Variants in CHRM3 observed in about 807,000 individuals in gnomAD.
CHRM3 encodes cholinergic receptor muscarinic 3.
A neutral mutation model predicts 41.8 loss-of-function variants in CHRM3; 11 were observed. The ratio of observed to expected loss-of-function variants is 0.26; its 90% CI spans 0.17 to 0.44. The LOEUF is 0.44. Ranked by LOEUF, CHRM3 falls within the 20% of genes least tolerant of loss-of-function variation. The probability of loss-of-function intolerance (pLI) is 1.00; values close to 1 mark genes in which losing one functional copy is unlikely to be tolerated. For missense variants in CHRM3, 571 were observed against 745.4 expected (o/e 0.77, Z 2.72); for synonymous variants, 297 against 301.4 (o/e 0.99, Z 0.15).
Position 239,907,588 on chromosome 1 carries a change from C to A in CHRM3, c.137C>A (p.Ala46Asp). 1.2e-6 allele frequency: 2 copies of A among 1,614,186 alleles called. No individual in the cohort carries two copies. The highest frequency in any genetic ancestry group is 1.7e-6 in the Non-Finnish European group (2 of 1,180,038). Reference protein sequence around the residue: ...HFGSYNVSRAAGNFSSPDGTT... With the variant: ...HFGSYNVSRADGNFSSPDGTT... Reference sequence around the variant, plus strand: ...GGCAGCTACAATGTTTCTCGAGCAGCTGGCAATTTCTCCTCTCCAGACGGT... The same window carrying A: ...GGCAGCTACAATGTTTCTCGAGCAGATGGCAATTTCTCCTCTCCAGACGGT... The change falls in exon 7 of 7, where the codon GCT becomes GAT. Residue 46 changes from alanine to aspartate, a missense_variant. Ala to Asp is a moderately radical substitution (Grantham distance 126). Around this residue, in one of 5 missense-constraint regions of CHRM3, gnomAD observed 92 missense variants for 76.1 expected, o/e 1.21. Transcript: ENST00000676153. This position sits in a 1 kb window ranked among gnomAD's most constrained non-coding sequence, Gnocchi z 5.4.
At chr1:239,441,273 A>G (rs1663693069) in intron 1 of CHRM3, among the ~76,000 whole-genome samples, 1 of 152,206 alleles carries the variant, frequency 6.6e-6, no homozygotes, top group Non-Finnish European at 1.5e-5. Flanking sequence ...CAAAAGAAAA[A>G]GGCAAACAAT....
chr1:239,763,519 C>G (rs1666965959), intron 5 of CHRM3, among the ~76,000 whole-genome samples: 1 of 152,112 alleles, frequency 6.6e-6, no homozygotes, highest in Non-Finnish European at 1.5e-5. Context: ...ATAGAGCGCT[C>G]TACAATACTA....
chr1:239,579,291 G>T (rs575382738), intron 3 of CHRM3, among the ~76,000 whole-genome samples: 2 of 152,204 alleles, frequency 1.3e-5, no homozygotes, highest in African/African-American at 4.8e-5. Context: ...CTGGTTCTTA[G>T]GGATTCCCCA....
intron 4 of CHRM3, among the ~76,000 whole-genome samples, chr1:239,673,813 A>G: frequency 1.3e-5 from 2 of 152,086 alleles, no homozygotes; most frequent in East Asian, 1.9e-4. Context: ...CAATTTCTAT[A>G]CCTACATTTT....
intron 5 of CHRM3, among the ~76,000 whole-genome samples, chr1:239,760,150 C>T (rs1194942191): frequency 6.6e-6 from 1 of 151,444 alleles, no homozygotes; most frequent in East Asian, 1.9e-4. Flanking sequence ...TGGTCTCGAT[C>T]TCCTGACCTC....
At chr1:239,882,628 T>C (rs562829935) in intron 6 of CHRM3, among the ~76,000 whole-genome samples, 1 of 152,174 alleles carries the variant, frequency 6.6e-6, no homozygotes, top group Non-Finnish European at 1.5e-5. Context: ...AATGGCACAA[T>C]TGCTAACTGG....
intron 1 of CHRM3, among the ~76,000 whole-genome samples, chr1:239,399,826 T>G (rs940002761): frequency 6.6e-6 from 1 of 152,230 alleles, no homozygotes; most frequent in Non-Finnish European, 1.5e-5. Flanking sequence ...GATGTCACTT[T>G]GACATATTGA....
At chr1:239,710,000 A>C (rs1483673151) in intron 5 of CHRM3, among the ~76,000 whole-genome samples, 8 of 152,178 alleles carry the variant, frequency 5.3e-5, no homozygotes, top group African/African-American at 1.2e-4. Flanking sequence ...TCCTCCACCT[A>C]TGCCAAATGA....
At chr1:239,777,779 C>CTAT (rs1436790029) in intron 5 of CHRM3, among the ~76,000 whole-genome samples, 2 of 152,062 alleles carry the variant, frequency 1.3e-5, no homozygotes, top group Non-Finnish European at 2.9e-5. Flanking sequence ...GGTTTAAAAC[C>CTAT]TATTCTAGGT....
intron 6 of CHRM3, among the ~76,000 whole-genome samples, chr1:239,876,740 C>A (rs1227622345): frequency 6.6e-6 from 1 of 152,132 alleles, no homozygotes. Flanking sequence ...AAGTAGGAAG[C>A]CAATTGAGGT....
chr1:239,580,258 T>TCACA (rs374479816), intron 3 of CHRM3, among the ~76,000 whole-genome samples: 104 of 132,778 alleles, frequency 7.8e-4, no homozygotes, highest in East Asian at 2.2e-3. Flanking sequence ...ATACACACTG[T>TCACA]CACACACACA....
At chr1:239,446,555 G>C (rs185847274) in intron 1 of CHRM3, among the ~76,000 whole-genome samples, 3 of 152,224 alleles carry the variant, frequency 2.0e-5, no homozygotes, top group Non-Finnish European at 2.9e-5. Flanking sequence ...TCCATCATGA[G>C]CTACCTTTTC....
chr1:239,690,034 G>GAC, intron 5 of CHRM3, among the ~76,000 whole-genome samples: 1 of 134,610 alleles, frequency 7.4e-6, no homozygotes, highest in Non-Finnish European at 1.6e-5. Context: ...GAGAGAGACA[G>GAC]AGAGAGAGAC....
intron 2 of CHRM3, among the ~76,000 whole-genome samples, chr1:239,514,860 A>T (rs1410318761): frequency 2.0e-5 from 3 of 152,122 alleles, no homozygotes; most frequent in Non-Finnish European, 4.4e-5. Context: ...ACTTGCAGAC[A>T]AGAGATACTT....
At chr1:239,456,017 T>C (rs1485948355) in intron 1 of CHRM3, among the ~76,000 whole-genome samples, 1 of 152,072 alleles carries the variant, frequency 6.6e-6, no homozygotes, top group Non-Finnish European at 1.5e-5. Context: ...GGGGTTTATA[T>C]AGTGGGGAGT....
intron 5 of CHRM3, among the ~76,000 whole-genome samples, chr1:239,776,739 TA>T (rs1393436020): frequency 6.6e-6 from 1 of 152,192 alleles, no homozygotes; most frequent in East Asian, 1.9e-4. Context: ...GAAAGAGGTT[TA>T]ATTGACTCAC....
chr1:239,623,407 C>T lies in CHRM3; in HGVS notation c.-312-8817C>T, dbSNP rs1668633444. ...GATAGTTTGCTGAGAATGATGGTTTCCAGCTTCATCCATGTCCCTACAAAG... is the reference window on the plus strand; with the variant it reads ...GATAGTTTGCTGAGAATGATGGTTTTCAGCTTCATCCATGTCCCTACAAAG... On this transcript the variant is annotated intron_variant, in intron 3 of 6. Coordinates refer to ENST00000676153, the MANE Select transcript of CHRM3 (RefSeq NM_001375978.1). Among the ~76,000 whole-genome samples, 5 of 151,260 alleles carry T rather than the reference C, an allele frequency of 3.3e-5. No individual in the cohort carries two copies. In the South Asian group the frequency reaches 1.0e-3, roughly 32 times the overall value.
chr1:239,489,267 C>T (rs1362676711), intron 1 of CHRM3, among the ~76,000 whole-genome samples: 3 of 152,088 alleles, frequency 2.0e-5, no homozygotes, highest in Non-Finnish European at 2.9e-5. Context: ...TAAAAATTAG[C>T]CGGGCGTGGG....
intron 5 of CHRM3, among the ~76,000 whole-genome samples, chr1:239,797,505 T>C (rs1490350202): frequency 6.6e-6 from 1 of 152,146 alleles, no homozygotes; most frequent in Non-Finnish European, 1.5e-5. Context: ...AATAATTTGA[T>C]TATATAATAG....
Sources: gnomAD v4.1 joint callset for allele counts (sites outside exome capture counted in the v4.1 genomes callset) on GRCh38, gnomAD v4.1.1 for gene constraint, gnomAD v4.1.1 regional missense constraint, Gnocchi (gnomAD v3.1) non-coding constraint, MANE v1.5 for transcripts, NCBI Gene and HGNC (gene_info 2026-07-23, HGNC 2026-07-21) for gene names.